Variants in DARS1 observed in about 807,000 individuals in gnomAD.
DARS1 encodes aspartate--tRNA ligase, cytoplasmic.
A neutral mutation model predicts 68.8 loss-of-function variants in DARS1; 51 were observed. That is an observed-to-expected ratio of 0.74 (90% CI 0.59 to 0.94). DARS1 has a LOEUF of 0.94. Among genes scored for constraint, DARS1 ranks in the 40% least tolerant of loss-of-function variants. DARS1 has a pLI of 0.00. For synonymous variants in DARS1, 203 were observed against 190.4 expected (o/e 1.07, Z -0.55); for missense variants, 607 against 597.3 (o/e 1.02, Z -0.17).
chr2:135,963,076 C>T (rs1682135743), intron 3 of DARS1, among the ~76,000 whole-genome samples: 1 of 152,120 alleles, frequency 6.6e-6, no homozygotes, highest in African/African-American at 2.4e-5. Flanking sequence ...GAATGGAGAA[C>T]TCTAAAGGAC....
In DARS1 at chr2:135,985,485, G is replaced by A. The variant is rs759504606; in HGVS notation, c.-17C>T. On this transcript the variant is annotated 5_prime_UTR_variant, in exon 1 of 16. Transcript: ENST00000264161. ...GCTGGGCATCGGGACACGGAACTGG[G>A]CAGTGGACACCACCCTCCCTCGCAG... 4 of 1,613,858 alleles carry A rather than the reference G, an allele frequency of 2.5e-6. No individual in the cohort carries two copies. Among genetic ancestry groups the A allele is most frequent in the African/African-American group, 2.7e-5 (2 of 74,932 alleles).
At chr2:135,919,573 T>TA (rs1681072706) in intron 10 of DARS1, among the ~76,000 whole-genome samples, 1 of 152,114 alleles carries the variant, frequency 6.6e-6, no homozygotes, top group Non-Finnish European at 1.5e-5. Flanking sequence ...GAGGGAAAAA[T>TA]AGAGACTTTC....
At chr2:135,973,980 C>T (rs116528963) in intron 3 of DARS1, among the ~76,000 whole-genome samples, 3,460 of 152,346 alleles carry the variant, frequency 0.023, 104 homozygotes, top group African/African-American at 0.067. Flanking sequence ...TTATTACACA[C>T]TGCATGCCTG....
intron 8 of DARS1, 96 bp downstream of exon 8, chr2:135,924,291 C>A: frequency 7.5e-7 from 1 of 1,334,246 alleles, no homozygotes; most frequent in Non-Finnish European, 9.9e-7. Context: ...TTAATGGACA[C>A]TTGGGATTCT....
chr2:135,949,902 G>A (rs1018233700), intron 4 of DARS1, among the ~76,000 whole-genome samples: 1 of 152,166 alleles, frequency 6.6e-6, no homozygotes. Flanking sequence ...TAGTAGTATT[G>A]TCTAGCCAGT....
At chr2:135,984,464 A>G (rs1410448428) in intron 1 of DARS1, among the ~76,000 whole-genome samples, 1 of 152,240 alleles carries the variant, frequency 6.6e-6, no homozygotes, top group Admixed American at 6.5e-5. Flanking sequence ...AAAACCAGAC[A>G]TGTTTAAGGC....
chr2:135,985,020 G>C (rs964599341), intron 1 of DARS1, among the ~76,000 whole-genome samples: 2 of 152,348 alleles, frequency 1.3e-5, no homozygotes, highest in African/African-American at 4.8e-5. Context: ...AGGAACACGA[G>C]GGCTGAGTAC....
At chr2:135,917,471 T>C (rs1681029950) in intron 10 of DARS1, among the ~76,000 whole-genome samples, 1 of 152,222 alleles carries the variant, frequency 6.6e-6, no homozygotes, top group East Asian at 1.9e-4. Context: ...ATTTACATTC[T>C]ATTTTTATTT....
intron 7 of DARS1, among the ~76,000 whole-genome samples, chr2:135,925,138 T>C (rs1308349444): frequency 6.6e-6 from 1 of 152,144 alleles, no homozygotes; most frequent in Non-Finnish European, 1.5e-5. Context: ...CTTTCTCAGT[T>C]TCTCTGGTCC....
chr2:135,943,234 T>C (rs1203393733), intron 5 of DARS1, 144 bp downstream of exon 5: 3 of 1,197,136 alleles, frequency 2.5e-6, no homozygotes, highest in East Asian at 2.6e-5. Context: ...TGATTTGTTA[T>C]ATAACAAAAG....
At chr2:135,914,732 T>C in intron 11 of DARS1, 1 of 454,706 alleles carries the variant, frequency 2.2e-6, no homozygotes, top group Non-Finnish European at 4.1e-6. Context: ...TGCTCAAATA[T>C]TTAATTAAAG....
chr2:135,958,304 T>C (rs555139646), intron 4 of DARS1, among the ~76,000 whole-genome samples: 80 of 152,352 alleles, frequency 5.3e-4, no homozygotes, highest in Admixed American at 1.9e-3. Flanking sequence ...CCAACTGTTA[T>C]ACTACTAGTG....
At chr2:135,981,740 C>T (rs986016167) in intron 2 of DARS1, among the ~76,000 whole-genome samples, 1 of 149,982 alleles carries the variant, frequency 6.7e-6, no homozygotes. Context: ...GTGATCGTGG[C>T]TCACCGCAGC....
chr2:135,911,222 C>A lies in DARS1; in HGVS notation c.1343-12G>T. The A allele has an allele frequency of 7.2e-7, 1 of 1,388,708 alleles. No individual in the cohort carries two copies. The highest frequency in any genetic ancestry group is 1.7e-5 in the Admixed American group (1 of 59,024). The allele number at this position is 1,388,708 out of a possible 1,614,324, so 86.0% of individuals were successfully genotyped here. ...AATTTTCTCCAAATCTGCAAAAAGA[C>A]ACAAAACAAAATATAATTTATCATC... On this transcript the variant is annotated splice_polypyrimidine_tract_variant and intron_variant, in intron 14 of 15. Coordinates refer to ENST00000264161, the MANE Select transcript of DARS1 (RefSeq NM_001349.4).
intron 1 of DARS1, among the ~76,000 whole-genome samples, chr2:135,984,056 TATA>T (rs1341530554): frequency 6.6e-6 from 1 of 152,186 alleles, no homozygotes; most frequent in South Asian, 2.1e-4. Flanking sequence ...ACACTGACAA[TATA>T]ATAATATCAA....
chr2:135,926,115 C>T (rs1437046456), intron 7 of DARS1, among the ~76,000 whole-genome samples: 8 of 152,044 alleles, frequency 5.3e-5, no homozygotes, highest in African/African-American at 1.9e-4. Context: ...GGTCTTGAAC[C>T]CCTGACCCCA....
intron 5 of DARS1, among the ~76,000 whole-genome samples, chr2:135,939,202 A>C (rs1681540758): frequency 6.6e-6 from 1 of 152,226 alleles, no homozygotes; most frequent in African/African-American, 2.4e-5. Context: ...TCAACAGAAT[A>C]TACATTCTTC....
chr2:135,970,225 C>T (rs1682336363), intron 3 of DARS1, among the ~76,000 whole-genome samples: 2 of 144,480 alleles, frequency 1.4e-5, no homozygotes, highest in Admixed American at 1.4e-4. Context: ...TGTACTCTAG[C>T]CTGGGCAACA....
chr2:135,964,826 G>T, intron 3 of DARS1, among the ~76,000 whole-genome samples: 1 of 107,134 alleles, frequency 9.3e-6, no homozygotes, highest in East Asian at 3.2e-4. Flanking sequence ...GGGTAACAGA[G>T]CAAGACTCCA....
Sources: allele counts gnomAD v4.1 joint callset (sites outside exome capture counted in the v4.1 genomes callset), GRCh38; gene constraint gnomAD v4.1.1; transcripts MANE v1.5; gene names NCBI Gene and HGNC (gene_info 2026-07-23, HGNC 2026-07-21).